The following GLRA2 variants were observed in gnomAD, a reference collection of about 807,000 sequenced individuals.
GLRA2 encodes glycine receptor alpha 2.
In GLRA2, 11 loss-of-function variants were observed where a neutral mutation model predicts 31.6. The ratio of observed to expected loss-of-function variants is 0.35; its 90% CI spans 0.22 to 0.58. The LOEUF is 0.58. Ranked by LOEUF, GLRA2 falls within the 20% of genes least tolerant of loss-of-function variation. The probability of loss-of-function intolerance (pLI) is 0.84; values close to 1 mark genes in which losing one functional copy is unlikely to be tolerated. For synonymous variants in GLRA2, 132 were observed against 134.0 expected (o/e 0.99, Z 0.10); for missense variants, 212 against 351.8 (o/e 0.60, Z 3.18).
At chrX:14,513,306 A>AT in the GLRA2 span, among the ~76,000 whole-genome samples, 8 of 112,018 alleles carry the variant, frequency 7.1e-5, no homozygotes, top group African/African-American at 2.3e-4. Flanking sequence ...ACCCGAAACC[A>AT]TAAAAACTCT....
chrX:14,620,003 GT>G (rs570158352), intron 7 of GLRA2, among the ~76,000 whole-genome samples: 9 of 100,288 alleles, frequency 9.0e-5, no homozygotes, highest in South Asian at 4.7e-4. Flanking sequence ...GCGCCCCCCC[GT>G]TTTTTTTTTT....
intron 8 of GLRA2, among the ~76,000 whole-genome samples, chrX:14,724,722 A>C (rs1339574636): frequency 9.0e-6 from 1 of 110,546 alleles, no homozygotes; most frequent in Non-Finnish European, 1.9e-5. Flanking sequence ...CAATGATAAA[A>C]ATATGCTGCA....
At chrX:14,607,041 C>A in intron 5 of GLRA2, 90 bp from the exon 6 acceptor site, 1 of 610,559 alleles carries the variant, frequency 1.6e-6, no homozygotes, top group Non-Finnish European at 2.7e-6. Context: ...CTGCTTTAGA[C>A]AGTTTCTTTG....
intron 7 of GLRA2, among the ~76,000 whole-genome samples, chrX:14,618,430 T>C (rs2090478236): frequency 8.9e-6 from 1 of 112,080 alleles, no homozygotes; most frequent in African/African-American, 3.2e-5. Context: ...GTATTATGTT[T>C]ATGAATTAAA....
At chrX:14,498,617 T>A in the GLRA2 span, among the ~76,000 whole-genome samples, 11 of 111,432 alleles carry the variant, frequency 9.9e-5, no homozygotes, top group Middle Eastern at 4.6e-3. Context: ...ATAGAAAAAA[T>A]TGAATTATTC....
the GLRA2 span, among the ~76,000 whole-genome samples, chrX:14,474,046 T>C: frequency 9.0e-6 from 1 of 111,687 alleles, no homozygotes; most frequent in Non-Finnish European, 1.9e-5. Flanking sequence ...TTAACATGCT[T>C]TGCTTAATAA....
intron 8 of GLRA2, among the ~76,000 whole-genome samples, chrX:14,697,913 T>C (rs185960218): frequency 1.2e-4 from 13 of 112,494 alleles, no homozygotes; most frequent in African/African-American, 4.2e-4. Flanking sequence ...TAAAACTTTT[T>C]TTTACTTTGC....
intron 8 of GLRA2, among the ~76,000 whole-genome samples, chrX:14,724,645 A>C (rs866274549): frequency 2.8e-4 from 25 of 87,924 alleles, no homozygotes; most frequent in Non-Finnish European, 4.1e-4. Context: ...AAAAAAAAAA[A>C]AAAAAAACAA....
chrX:14,458,097 C>G, the GLRA2 span, among the ~76,000 whole-genome samples: 16 of 110,302 alleles, frequency 1.5e-4, no homozygotes, highest in Non-Finnish European at 2.5e-4. Flanking sequence ...CTTCAATCCC[C>G]ACCTATGAGT....
chrX:14,544,785 T>C (rs933636888), intron 2 of GLRA2, among the ~76,000 whole-genome samples: 3 of 111,799 alleles, frequency 2.7e-5, no homozygotes, highest in Non-Finnish European at 3.8e-5. Context: ...AGGATGATTA[T>C]ATATAGATAT....
At chrX:14,578,799 C>CA (rs1219876101) in intron 3 of GLRA2, among the ~76,000 whole-genome samples, 1 of 111,265 alleles carries the variant, frequency 9.0e-6, no homozygotes, top group Admixed American at 9.5e-5. Flanking sequence ...ATAGCTTTCC[C>CA]ATAAGTTTGG....
At chrX:14,581,566 G>C (rs978107565) in intron 4 of GLRA2, among the ~76,000 whole-genome samples, 160 bp downstream of exon 4, 8 of 110,918 alleles carry the variant, frequency 7.2e-5, no homozygotes, top group African/African-American at 2.6e-4. Context: ...AAGTCCCTTT[G>C]GTCTCATAAA....
At chrX:14,568,196 C>T (rs187561657) in intron 2 of GLRA2, among the ~76,000 whole-genome samples, 1 of 111,855 alleles carries the variant, frequency 8.9e-6, no homozygotes, top group East Asian at 2.8e-4. Context: ...AAGAACAAAG[C>T]GGAAGGACTC....
At chrX:14,534,300 T>C (rs3027319) in intron 2 of GLRA2, among the ~76,000 whole-genome samples, 24,297 of 108,303 alleles carry the variant, frequency 0.22, 2,114 homozygotes, top group African/African-American at 0.25. Flanking sequence ...GGGGTGGATA[T>C]CACAGAAGAC....
At chrX:14,564,414 A>T (rs1569496713) in intron 2 of GLRA2, among the ~76,000 whole-genome samples, 1 of 111,658 alleles carries the variant, frequency 9.0e-6, no homozygotes, top group Admixed American at 9.5e-5. Flanking sequence ...GACCAGCAAA[A>T]GCTGAGGGAG....
At chrX:14,500,932 T>C in the GLRA2 span, among the ~76,000 whole-genome samples, 1 of 111,301 alleles carries the variant, frequency 9.0e-6, no homozygotes, top group Non-Finnish European at 1.9e-5. Flanking sequence ...ATAATAAAAA[T>C]GTGATTTCTT....
At chrX:14,458,140 T>C in the GLRA2 span, among the ~76,000 whole-genome samples, 2 of 110,538 alleles carry the variant, frequency 1.8e-5, no homozygotes, top group Non-Finnish European at 3.8e-5. Context: ...CTTGTCCTTG[T>C]GATAGTTTGC....
intron 7 of GLRA2, among the ~76,000 whole-genome samples, chrX:14,681,056 T>C (rs1430035873): frequency 1.8e-5 from 2 of 112,202 alleles, no homozygotes; most frequent in African/African-American, 6.5e-5. Flanking sequence ...TACAGGAAAA[T>C]AGTATAACTT....
intron 2 of GLRA2, among the ~76,000 whole-genome samples, chrX:14,549,418 C>T (rs2089525582): frequency 9.0e-6 from 1 of 111,302 alleles, no homozygotes; most frequent in Non-Finnish European, 1.9e-5. Context: ...CATAAGATTT[C>T]TAAGAAGATA....
Sources: gnomAD v4.1 joint callset for allele counts (sites outside exome capture counted in the v4.1 genomes callset) on GRCh38, gnomAD v4.1.1 for gene constraint, MANE v1.5 for transcripts, NCBI Gene and HGNC (gene_info 2026-07-23, HGNC 2026-07-21) for gene names.